The following LAMA5 variants were observed in gnomAD, a reference collection of about 807,000 sequenced individuals.
LAMA5 encodes the protein laminin subunit alpha-5.
LAMA5 carries 260 observed loss-of-function variants against 433.4 expected under a neutral mutation model. That is an observed-to-expected ratio of 0.60 (90% confidence interval 0.54 to 0.66). LAMA5 has a LOEUF of 0.66. Among genes scored for constraint, LAMA5 ranks in the 30% least tolerant of loss-of-function variants. The pLI, the probability that LAMA5 is intolerant of heterozygous loss-of-function variation, is 0.00. For synonymous variants in LAMA5, 2,620 were observed against 2,226.6 expected, an observed-to-expected ratio of 1.18 and a Z score of -4.97; for missense variants, 5,378 against 5,258.5, an observed-to-expected ratio of 1.02 and a Z score of -0.70.
chr20:62,319,571 T>A lies in LAMA5; in HGVS notation c.6871+113A>T, dbSNP rs899098267. ...CACTCCAGAGGCGTCGTCTCCCATC[T>A]AAAAGACAGATCCTGCCTGTTCTTC... is the stretch of plus-strand genomic sequence containing the variant. On this transcript the variant is annotated intron_variant, in intron 51 of 79. Transcript: ENST00000252999. 5.0e-5 allele frequency: 37 copies of A among 737,886 alleles called. 1 individual carries two copies. The highest frequency in any genetic ancestry group is 3.8e-4 in the Middle Eastern group (1 of 2,646). 45.7% of individuals were successfully genotyped at this position (737,886 alleles called of 1,614,324 possible).
rs5842387 is a variant in LAMA5 at position 62,359,472 on chromosome 20, T to TGGGCCTGGGGCCTG, written c.450+2914_450+2927dup. Among the ~76,000 whole-genome samples, 1 of 149,840 alleles carries TGGGCCTGGGGCCTG rather than the reference T, an allele frequency of 6.7e-6. No individual in the cohort carries two copies. The highest frequency in any genetic ancestry group is 1.5e-5 in the Non-Finnish European group (1 of 67,174). On this transcript the variant is annotated intron_variant, in intron 2 of 79. Transcript: ENST00000252999. This position sits in a 1 kb window ranked among gnomAD's most constrained non-coding sequence, Gnocchi z 4.3. ...AGTCATGAACGCGCTCACCCTTCCC[T>TGGGCCTGGGGCCTG]GGGCCTGGGGCCTGGGGCCTGGGGC...
At position 62,310,528 on chromosome 20, in the gene LAMA5, G is replaced by T. The variant is rs566730911; in HGVS notation, c.10491C>A (p.His3497Gln). Reference sequence around the variant, plus strand: ...GTGTGGGGGCCCCCAGGGGCCTCCCGTGCAGCCTCAGTCTCTTCACACAGC... The same window carrying T: ...GTGTGGGGGCCCCCAGGGGCCTCCCTTGCAGCCTCAGTCTCTTCACACAGC... ...FSGCVKRLRLHGRPLGAPTRM... is the reference protein window; with the variant it reads ...FSGCVKRLRLQGRPLGAPTRM... The change falls in exon 76 of 80, where the codon CAC (histidine) becomes CAA (glutamine). Residue 3497 changes from histidine (H) to glutamine (Q), a missense_variant. By Grantham distance (24) the His-to-Gln change is conservative. Transcript: ENST00000252999. The T allele has an allele frequency of 1.9e-6, 3 of 1,552,974 alleles. No individual in the cohort carries two copies. In the African/African-American group the frequency reaches 4.1e-5, roughly 21 times the overall value.
chr20:62,342,533 G>T (rs6143031), intron 11 of LAMA5, among the ~76,000 whole-genome samples: 32,333 of 151,562 alleles, frequency 0.21, 3,506 homozygotes, highest in Non-Finnish European at 0.23. Context: ...AAAAAAATTA[G>T]CCGGGCGTGG....
Position 62,310,229 on chromosome 20 carries a change from C to T in LAMA5, c.10683G>A (p.Leu3561=). 1 of 1,612,556 alleles carries T rather than the reference C, an allele frequency of 6.2e-7. No individual in the cohort carries two copies. Among genetic ancestry groups the T allele is most frequent in the Non-Finnish European group, 8.5e-7 (1 of 1,179,932 alleles). The change falls in exon 77 of 80, where the codon TTG becomes TTA. Residue 3561 remains leucine (L), a synonymous_variant. Transcript: ENST00000252999. ...AGTAGGGGGGCGTCCGGGCCTGGCC[C>T]AAGTGGAAGATCAGTCCGGTGACTG... is the stretch of plus-strand genomic sequence containing the variant. The part of the protein sequence containing the change: ...PLAVTGLIFH[L]GQARTPPYLQ...
chr20:62,358,153 G>T (rs138059570), intron 2 of LAMA5, among the ~76,000 whole-genome samples: 2 of 152,136 alleles, frequency 1.3e-5, no homozygotes, highest in Non-Finnish European at 2.9e-5. Context: ...AGGTCTGGCC[G>T]TGCAGCCACC....
chr20:62,340,600 C>G (rs947389683), intron 11 of LAMA5, among the ~76,000 whole-genome samples: 1 of 151,808 alleles, frequency 6.6e-6, no homozygotes, highest in Admixed American at 6.6e-5. Flanking sequence ...CGTGAGCCAT[C>G]GCACCTGGCC....
intron 48 of LAMA5, among the ~76,000 whole-genome samples, 198 bp from the exon 49 acceptor site, chr20:62,321,088 G>C (rs1987653204): frequency 6.6e-6 from 1 of 150,386 alleles, no homozygotes; most frequent in Admixed American, 6.6e-5. Flanking sequence ...TGGGAGTGAA[G>C]GGCATGGGGT....
intron 2 of LAMA5, among the ~76,000 whole-genome samples, chr20:62,357,500 G>T (rs971262915): frequency 6.6e-6 from 1 of 152,168 alleles, no homozygotes; most frequent in Non-Finnish European, 1.5e-5. Context: ...CCACAGCAGG[G>T]GCGGGGCGGC....
chr20:62,334,415 C>T lies in LAMA5; in HGVS notation c.2583-73G>A, dbSNP rs183519233. On this transcript the variant is annotated intron_variant, in intron 21 of 79. Coordinates refer to ENST00000252999, the MANE Select transcript of LAMA5 (RefSeq NM_005560.6). ...GCCCTGCACAGCGGCCCCGGGTCTC[C>T]AGGGAGGGTGAGGCCTCACGTGGGC... 760 of 1,517,368 alleles carry T rather than the reference C, an allele frequency of 5.0e-4. 1 individual carries two copies. Among genetic ancestry groups the T allele is most frequent in the Non-Finnish European group, 6.2e-4 (703 of 1,127,882 alleles). 94.0% of individuals were successfully genotyped at this position (1,517,368 alleles called of 1,614,324 possible). A position where few individuals can be genotyped will look rare whatever the true frequency, so the allele number is the denominator to read the frequency against.
At chr20:62,366,225 G>A (rs920248280) in intron 1 of LAMA5, among the ~76,000 whole-genome samples, 6 of 152,212 alleles carry the variant, frequency 3.9e-5, no homozygotes, top group African/African-American at 7.2e-5. Flanking sequence ...AAGAGCCTTG[G>A]TTTTCAGGTG....
In LAMA5 at chr20:62,318,945, G is replaced by C; in HGVS notation, c.6940C>G (p.Arg2314Gly). The change falls in exon 52 of 80, where the codon CGG becomes GGG. Residue 2314 changes from arginine to glycine, a missense_variant. Transcript: ENST00000252999. ...AGCCGCTCCACCTCGGCCAGTGTCC[G>C]GAGCAGCTGCTCACCTGATGGAGCC... ...ASAPSGEQLLRTLAEVERLLW... is the reference protein window; with the variant it reads ...ASAPSGEQLLGTLAEVERLLW... The C allele has an allele frequency of 6.3e-7, 1 of 1,596,866 alleles. No individual in the cohort carries two copies. The highest frequency in any genetic ancestry group is 8.5e-7 in the Non-Finnish European group (1 of 1,174,062).
chr20:62,326,937 A>C lies in LAMA5; in HGVS notation c.5142T>G (p.Tyr1714Ter). The C allele has an allele frequency of 6.2e-7, 1 of 1,611,166 alleles. No homozygotes were observed. ...CCCGCTGGGTCTCTGAGTGCAGTTC[A>C]TAACGGAGGGTCCCACCGTAGGATG... ...RVSSYGGTLR[Y>*]ELHSETQRGD... The change falls in exon 39 of 80, where the codon TAT becomes TAG. Residue 1714 changes from tyrosine to a stop codon, truncating the protein, a stop_gained. Transcript: ENST00000252999. LOFTEE classifies it high-confidence loss of function.
chr20:62,365,675 G>A (rs1414152125), intron 1 of LAMA5, among the ~76,000 whole-genome samples: 1 of 152,180 alleles, frequency 6.6e-6, no homozygotes, highest in Non-Finnish European at 1.5e-5. Flanking sequence ...GACCAGATAA[G>A]GGGGCAGCCA....
chr20:62,329,326 G>C (rs2146176408), intron 32 of LAMA5, 73 bp from the exon 33 acceptor site: 1 of 1,147,946 alleles, frequency 8.7e-7, no homozygotes, highest in African/African-American at 1.5e-5. Flanking sequence ...AGGCTGGCTG[G>C]GACCAGGGTC....
rs772640309 is a variant in LAMA5, at chr20:62,317,310, G to A, written c.7511+35C>T. The A allele has an allele frequency of 5.8e-6, 9 of 1,564,026 alleles. No homozygotes were observed. In the Admixed American group the frequency reaches 1.7e-4, roughly 29 times the overall value. ...CCAAGGCCCTGTCTGCATCCCCAGGGTGGGCCCAGGGCCCCTCCTCTCCTG... is the reference window on the plus strand; with the variant it reads ...CCAAGGCCCTGTCTGCATCCCCAGGATGGGCCCAGGGCCCCTCCTCTCCTG... On this transcript the variant is annotated intron_variant, in intron 55 of 79. Coordinates refer to ENST00000252999, the MANE Select transcript of LAMA5 (RefSeq NM_005560.6).
Position 62,333,484 on chromosome 20 carries a change from G to A in LAMA5, c.3022-3C>T. 6.2e-7 allele frequency: 1 copy of A among 1,610,330 alleles called. No individual in the cohort carries two copies. The highest frequency in any genetic ancestry group is 8.5e-7 in the Non-Finnish European group (1 of 1,178,932). On this transcript the variant is annotated splice_region_variant and splice_polypyrimidine_tract_variant and intron_variant, in intron 24 of 79. Transcript: ENST00000252999. ...CTAGGCAGCAGAACCACGTAGTCCT[G>A]CAGGGTGGAGGTGGTGCTGAGAGTG...
rs1354546502 is a variant in LAMA5 at position 62,359,060 on chromosome 20, T to C, written c.450+3340A>G. ...TTGACCCCCACCTGGGCCTCCCCAT[T>C]TGCCCTGCAGCTCTGGGCCTCGGGG... On this transcript the variant is annotated intron_variant, in intron 2 of 79. Coordinates refer to ENST00000252999, the MANE Select transcript of LAMA5 (RefSeq NM_005560.6). The surrounding 1 kb of genome is among the most constrained non-coding windows in gnomAD (Gnocchi z 4.3). Among the ~76,000 whole-genome samples the C allele has an allele frequency of 2.6e-5, 4 of 151,884 alleles. No homozygotes were observed. The highest frequency in any genetic ancestry group is 5.9e-5 in the Non-Finnish European group (4 of 67,928).
intron 74 of LAMA5, 27 bp downstream of exon 74, chr20:62,310,875 A>C (rs745509718): frequency 1.6e-5 from 25 of 1,606,462 alleles, no homozygotes; most frequent in Non-Finnish European, 2.0e-5. Context: ...GGCCCTGCCC[A>C]CCACCTTCCT....
intron 6 of LAMA5, among the ~76,000 whole-genome samples, chr20:62,348,029 T>C (rs890668397): frequency 6.6e-6 from 1 of 152,206 alleles, no homozygotes; most frequent in African/African-American, 2.4e-5. Context: ...CCCAAGTACC[T>C]ATAAGCAAGG....
Sources: gnomAD v4.1 joint callset for allele counts (sites outside exome capture counted in the v4.1 genomes callset) on GRCh38, gnomAD v4.1.1 for gene constraint, Gnocchi (gnomAD v3.1) non-coding constraint, MANE v1.5 for transcripts, NCBI Gene and HGNC (gene_info 2026-07-23, HGNC 2026-07-21) for gene names.